The following HDAC9 variants were observed in gnomAD, a reference collection of about 807,000 sequenced individuals.
The protein encoded by HDAC9 is MEF-2 interacting transcription repressor (MITR) protein.
In HDAC9, 41 loss-of-function variants were observed where a neutral mutation model predicts 139.4. That is an observed-to-expected ratio of 0.29 (90% CI 0.23 to 0.38). HDAC9 has a LOEUF of 0.38. Ranked by LOEUF, HDAC9 falls within the 10% of genes least tolerant of loss-of-function variation. The pLI, the probability that HDAC9 is intolerant of heterozygous loss-of-function variation, is 1.00. For synonymous variants in HDAC9, 517 were observed against 476.2 expected (o/e 1.09, Z -1.12); for missense variants, 1,147 against 1,297.0 (o/e 0.88, Z 1.78).
intron 1 of HDAC9, among the ~76,000 whole-genome samples, chr7:18,094,073 A>C (rs1782340598): frequency 6.6e-6 from 1 of 152,204 alleles, no homozygotes; most frequent in African/African-American, 2.4e-5. Flanking sequence ...TTAAAACTGA[A>C]TACCTCAAGG....
chr7:18,359,426 A>G (rs981535309), intron 1 of HDAC9, among the ~76,000 whole-genome samples: 1 of 152,156 alleles, frequency 6.6e-6, no homozygotes, highest in Admixed American at 6.5e-5. Flanking sequence ...GTTGTCCCAA[A>G]CTATCTTCTT....
chr7:18,293,633 A>T (rs1434359540), intron 1 of HDAC9, among the ~76,000 whole-genome samples: 1 of 152,058 alleles, frequency 6.6e-6, no homozygotes, highest in Admixed American at 6.6e-5. Context: ...TTCATCTCAT[A>T]AGAACATATT....
At chr7:18,299,414 T>C (rs999327827) in intron 1 of HDAC9, among the ~76,000 whole-genome samples, 1 of 152,040 alleles carries the variant, frequency 6.6e-6, no homozygotes, top group South Asian at 2.1e-4. Flanking sequence ...TCAAGATATA[T>C]TTTTTTTCCT....
At chr7:18,416,210 C>T (rs760051773) in intron 1 of HDAC9, among the ~76,000 whole-genome samples, 33 of 151,910 alleles carry the variant, frequency 2.2e-4, no homozygotes, top group Non-Finnish European at 3.4e-4. Context: ...GCAGGAAAAT[C>T]GCTTGAACCC....
chr7:18,764,883 C>G (rs541300605), intron 15 of HDAC9, among the ~76,000 whole-genome samples: 37 of 150,722 alleles, frequency 2.5e-4, no homozygotes, highest in African/African-American at 8.0e-4. Context: ...TATGATGAGA[C>G]CTGTCAGTCT....
intron 1 of HDAC9, among the ~76,000 whole-genome samples, chr7:18,156,626 A>T (rs527962002): frequency 6.6e-6 from 1 of 152,246 alleles, no homozygotes; most frequent in Non-Finnish European, 1.5e-5. Context: ...GGTTACAAAG[A>T]TGAATGTAGT....
chr7:18,430,846 C>T (rs1213089940), intron 1 of HDAC9: 4 of 152,278 alleles, frequency 2.6e-5, no homozygotes, highest in African/African-American at 9.7e-5. Context: ...GAGATTGTGC[C>T]AGTGCCCTCC....
At chr7:18,333,903 G>A (rs1379984642) in intron 1 of HDAC9, among the ~76,000 whole-genome samples, 7 of 151,172 alleles carry the variant, frequency 4.6e-5, no homozygotes, top group African/African-American at 1.7e-4. Context: ...TTTTAAAAAT[G>A]AGTAAAGAAG....
chr7:18,191,406 A>G (rs1790340814), intron 2 of HDAC9, among the ~76,000 whole-genome samples: 1 of 152,222 alleles, frequency 6.6e-6, no homozygotes, highest in Non-Finnish European at 1.5e-5. Context: ...CCATAGTCTT[A>G]TCACTCTGTA....
chr7:18,499,344 A>T (rs1797765499), intron 2 of HDAC9, among the ~76,000 whole-genome samples: 1 of 151,844 alleles, frequency 6.6e-6, no homozygotes, highest in South Asian at 2.1e-4. Context: ...AGTTTTTTTT[A>T]TGGTTGTATG....
chr7:18,995,394 C>G (rs760091135), intron 25 of HDAC9, among the ~76,000 whole-genome samples: 1 of 152,172 alleles, frequency 6.6e-6, no homozygotes, highest in Non-Finnish European at 1.5e-5. Context: ...GGTTAAATCT[C>G]AAGTATAAAT....
At chr7:18,824,084 G>GAAC (rs1437608130) in intron 17 of HDAC9, among the ~76,000 whole-genome samples, 10 of 144,264 alleles carry the variant, frequency 6.9e-5, no homozygotes, top group East Asian at 2.0e-4. Context: ...AGAAGAAGAA[G>GAAC]AAGAACAAGA....
At chr7:18,417,780 G>A (rs9784946) in intron 1 of HDAC9, among the ~76,000 whole-genome samples, 16,560 of 152,080 alleles carry the variant, frequency 0.11, 1,492 homozygotes, top group African/African-American at 0.24. Context: ...GGCCTCTCAG[G>A]TGGTACTTTC....
At chr7:18,627,630 C>T (rs1842056236) in intron 6 of HDAC9, among the ~76,000 whole-genome samples, 1 of 152,098 alleles carries the variant, frequency 6.6e-6, no homozygotes, top group South Asian at 2.1e-4. Context: ...TGTGTTGCCA[C>T]TACTGGAAGA....
At chr7:18,471,040 G>C (rs1794683965) in intron 1 of HDAC9, among the ~76,000 whole-genome samples, 1 of 151,580 alleles carries the variant, frequency 6.6e-6, no homozygotes, top group African/African-American at 2.4e-5. Context: ...TATATTTATG[G>C]AGTACACCTT....
chr7:18,650,826 CTT>C (rs1403881920), intron 11 of HDAC9, among the ~76,000 whole-genome samples: 2 of 152,116 alleles, frequency 1.3e-5, no homozygotes, highest in African/African-American at 4.8e-5. Context: ...CAAAGCTGAT[CTT>C]TATATGTTAA....
intron 1 of HDAC9, among the ~76,000 whole-genome samples, chr7:18,332,585 T>G (rs1801013785): frequency 6.6e-6 from 1 of 151,494 alleles, no homozygotes. Context: ...TTAAAAAAAA[T>G]GTTTTGCACC....
At chr7:18,434,137 C>T (rs941153517) in intron 1 of HDAC9, among the ~76,000 whole-genome samples, 2 of 152,216 alleles carry the variant, frequency 1.3e-5, no homozygotes, top group Admixed American at 6.5e-5. Context: ...TGATCTTTGG[C>T]AAAGTTGACA....
In HDAC9 at chr7:18,640,027, A is replaced by T. The variant is rs926681144; in HGVS notation, c.913-4644A>T. ...TATATTTTTTCTTTTTCTGATTCTC[A>T]TGCATATTGTAGATAATTTGGAATA... On this transcript the variant is annotated intron_variant, in intron 8 of 25. Transcript: ENST00000686413. 2.0e-5 allele frequency among the ~76,000 whole-genome samples: 3 copies of T among 152,118 alleles called. No homozygotes were observed. The East Asian group carries it at 5.8e-4, about 29-fold the overall frequency.
Sources: gnomAD v4.1 joint callset for allele counts (sites outside exome capture counted in the v4.1 genomes callset) on GRCh38, gnomAD v4.1.1 for gene constraint, MANE v1.5 for transcripts, NCBI Gene and HGNC (gene_info 2026-07-23, HGNC 2026-07-21) for gene names.